The following COL5A2 variants were observed in gnomAD, a reference collection of about 807,000 sequenced individuals.
COL5A2 encodes the protein collagen type V alpha 2 chain.
A neutral mutation model predicts 208.2 loss-of-function variants in COL5A2; 23 were observed. That is an observed-to-expected ratio of 0.11 (90% CI 0.08 to 0.16). The LOEUF is 0.16. Ranked by LOEUF, COL5A2 falls within the 10% of genes least tolerant of loss-of-function variation. The pLI is 1.00. For missense variants in COL5A2, 1,590 were observed against 1,956.4 expected (o/e 0.81, Z 3.53); for synonymous variants, 625 against 628.5 (o/e 0.99, Z 0.08).
intron 1 of COL5A2, among the ~76,000 whole-genome samples, chr2:189,195,906 TATG>T (rs1271956945): frequency 6.6e-6 from 1 of 152,276 alleles, no homozygotes; most frequent in African/African-American, 2.4e-5. Flanking sequence ...GCAAAGACTT[TATG>T]ATGAAAATGC....
intron 1 of COL5A2, among the ~76,000 whole-genome samples, chr2:189,185,439 G>A (rs2073669539): frequency 6.6e-6 from 1 of 152,164 alleles, no homozygotes; most frequent in Admixed American, 6.5e-5. Context: ...GAGAAATAAT[G>A]GAGCCCTAAA....
At chr2:189,228,014 A>C (rs1689440282), upstream of COL5A2, among the ~76,000 whole-genome samples, 1 of 152,030 alleles carries the variant, frequency 6.6e-6, no homozygotes. Context: ...ACTGGAAATC[A>C]ACTGCAGAAA....
chr2:189,086,698 G>T lies in COL5A2; in HGVS notation c.690+28C>A, dbSNP rs371071806. The T allele has an allele frequency of 1.2e-5, 18 of 1,539,072 alleles. No homozygotes were observed. The South Asian group carries it at 1.9e-4, about 16-fold the overall frequency. On this transcript the variant is annotated intron_variant, in intron 9 of 53. Transcript: ENST00000374866. Reference sequence around the variant, plus strand: ...TGTGTGTGTGTATGTTTTTCTTACAGCATGTAATTAATTATAAAGAGACTT... The same window carrying T: ...TGTGTGTGTGTATGTTTTTCTTACATCATGTAATTAATTATAAAGAGACTT...
upstream of COL5A2, among the ~76,000 whole-genome samples, chr2:189,228,223 CA>C (rs1689441933): frequency 6.6e-6 from 1 of 151,282 alleles, no homozygotes; most frequent in African/African-American, 2.4e-5. Flanking sequence ...GGATCTAAAG[CA>C]ACCTAATTCT....
At chr2:189,130,967 G>A (rs1249664626) in intron 1 of COL5A2, among the ~76,000 whole-genome samples, 2 of 152,042 alleles carry the variant, frequency 1.3e-5, no homozygotes, top group African/African-American at 4.8e-5. Context: ...AAAGAAACAG[G>A]AAATAAGCAA....
chr2:189,349,496 C>A, the COL5A2 span, among the ~76,000 whole-genome samples: 1 of 152,108 alleles, frequency 6.6e-6, no homozygotes, highest in African/African-American at 2.4e-5. Flanking sequence ...ATTGGTATAG[C>A]AATCTGGGGT....
At chr2:189,405,191 A>AC in the COL5A2 span, among the ~76,000 whole-genome samples, 1 of 152,060 alleles carries the variant, frequency 6.6e-6, no homozygotes, top group Non-Finnish European at 1.5e-5. Flanking sequence ...AAACACATTA[A>AC]AAAAATAGTG....
At chr2:189,229,563 G>A (rs551137924), upstream of COL5A2, among the ~76,000 whole-genome samples, 163 of 151,492 alleles carry the variant, frequency 1.1e-3, no homozygotes, top group Middle Eastern at 3.4e-3. Flanking sequence ...AGGAAATTAG[G>A]AAAACAATCC....
intron 38 of COL5A2, 24 bp downstream of exon 38, chr2:189,053,400 A>G (rs1685833061): frequency 2.5e-6 from 4 of 1,598,378 alleles, no homozygotes; most frequent in Non-Finnish European, 3.4e-6. Flanking sequence ...TTATTTGTAA[A>G]TTAGGGATAT....
the COL5A2 span, among the ~76,000 whole-genome samples, chr2:189,337,417 C>A: frequency 1.3e-5 from 2 of 151,860 alleles, no homozygotes; most frequent in African/African-American, 4.8e-5. Flanking sequence ...CTCCTGACCT[C>A]GTGATCCGCC....
chr2:189,057,050 T>A (rs73978812), intron 34 of COL5A2, 24 bp from the exon 35 acceptor site: 1 of 1,608,170 alleles, frequency 6.2e-7, no homozygotes, highest in African/African-American at 1.3e-5. Flanking sequence ...CAAAATACAA[T>A]TGATTCATTT....
chr2:189,126,420 T>A (rs1208094383), intron 1 of COL5A2, among the ~76,000 whole-genome samples: 4 of 152,032 alleles, frequency 2.6e-5, no homozygotes, highest in African/African-American at 9.7e-5. Context: ...TTTCTTAAAG[T>A]TATTAAAAAT....
the COL5A2 span, among the ~76,000 whole-genome samples, chr2:189,238,866 C>T: frequency 5.4e-4 from 82 of 152,040 alleles, no homozygotes; most frequent in African/African-American, 1.5e-3. Flanking sequence ...GATTCTAATT[C>T]GAGATAAGAT....
intron 1 of COL5A2, among the ~76,000 whole-genome samples, chr2:189,200,229 A>C: frequency 6.6e-6 from 1 of 152,164 alleles, no homozygotes; most frequent in East Asian, 1.9e-4. Flanking sequence ...CTAAACAACT[A>C]ATCCAAATTA....
chr2:189,285,402 C>T, the COL5A2 span, among the ~76,000 whole-genome samples: 1 of 152,084 alleles, frequency 6.6e-6, no homozygotes, highest in Non-Finnish European at 1.5e-5. Context: ...AAAGTTAAGA[C>T]AATCTGAAAA....
At chr2:189,396,790 T>C in the COL5A2 span, among the ~76,000 whole-genome samples, 10 of 151,724 alleles carry the variant, frequency 6.6e-5, no homozygotes, top group East Asian at 1.9e-3. Flanking sequence ...GGGAGGAGTT[T>C]GAGACCAATC....
chr2:189,200,216 T>A (rs1178590212), intron 1 of COL5A2, among the ~76,000 whole-genome samples: 2 of 152,058 alleles, frequency 1.3e-5, no homozygotes, highest in Non-Finnish European at 2.9e-5. Context: ...AAAAATAAAT[T>A]AACTAAACAA....
the COL5A2 span, among the ~76,000 whole-genome samples, chr2:189,372,843 G>A: frequency 6.6e-6 from 1 of 152,086 alleles, no homozygotes; most frequent in Non-Finnish European, 1.5e-5. Flanking sequence ...AAGGACAAGA[G>A]TTGACTTGTT....
At chr2:189,114,315 G>T (rs891577016) in intron 1 of COL5A2, among the ~76,000 whole-genome samples, 3 of 152,098 alleles carry the variant, frequency 2.0e-5, no homozygotes, top group African/African-American at 7.2e-5. Flanking sequence ...AAAATACAGG[G>T]TGTCTTGCAG....
Sources: allele counts gnomAD v4.1 joint callset (sites outside exome capture counted in the v4.1 genomes callset), GRCh38; gene constraint gnomAD v4.1.1; transcripts MANE v1.5; gene names NCBI Gene and HGNC (gene_info 2026-07-23, HGNC 2026-07-21).